ARMCX4: variants seen among roughly 807,000 people sequenced by gnomAD.
ARMCX4 encodes armadillo repeat containing X-linked 4.
In ARMCX4, 3 loss-of-function variants were observed where a neutral mutation model predicts 34.7. The ratio of observed to expected loss-of-function variants is 0.09; its 90% CI spans 0.04 to 0.22. The LOEUF is 0.22. ARMCX4 is among the 10% of genes least tolerant of loss of function. The pLI is 1.00. For missense variants in ARMCX4, 1,448 were observed against 1,720.8 expected, an observed-to-expected ratio of 0.84 and a Z score of 2.81; for synonymous variants, 513 against 632.8, an observed-to-expected ratio of 0.81 and a Z score of 2.84.
At position 101,495,585 on chromosome X, in the gene ARMCX4, C is replaced by T; in HGVS notation, c.*123C>T. 1 of 642,829 alleles carries T rather than the reference C, an allele frequency of 1.6e-6. No individual in the cohort carries two copies. Among genetic ancestry groups the T allele is most frequent in the Non-Finnish European group, 2.2e-6 (1 of 461,662 alleles). The allele number at this position is 642,829 out of a possible 1,213,427, so 53.0% of individuals were successfully genotyped here. The stretch of plus-strand genomic sequence containing the variant: ...TTACCTATGATGGTCTATAGCTGGA[C>T]CATTTTATGAACACCAAATGAATTC... On this transcript the variant is annotated 3_prime_UTR_variant, in exon 6 of 6. Transcript: ENST00000423738.
chrX:101,439,132 T>C (rs1342774937), intron 2 of ARMCX4, among the ~76,000 whole-genome samples: 22 of 112,258 alleles, frequency 2.0e-4, no homozygotes, highest in African/African-American at 5.8e-4. Context: ...CCATGTTTAG[T>C]GCTTCCTTCA....
chrX:101,431,282 A>T (rs1555991887), intron 2 of ARMCX4, among the ~76,000 whole-genome samples: 2 of 111,894 alleles, frequency 1.8e-5, no homozygotes. Flanking sequence ...TGGGGGAGTG[A>T]AGGAGTTGGG....
At chrX:101,458,531 A>G (rs782689955) in intron 4 of ARMCX4, among the ~76,000 whole-genome samples, 16 of 96,788 alleles carry the variant, frequency 1.7e-4, no homozygotes, top group Admixed American at 1.4e-3. Context: ...TTTTTTTTTG[A>G]GACGGAGTGC....
At chrX:101,438,939 A>G (rs1313526553) in intron 2 of ARMCX4, among the ~76,000 whole-genome samples, 1 of 111,868 alleles carries the variant, frequency 8.9e-6, no homozygotes, top group African/African-American at 3.3e-5. Context: ...GCCAGTCTGT[A>G]TCTTTTAATT....
downstream of ARMCX4, among the ~76,000 whole-genome samples, chrX:101,450,819 G>A (rs935274211): frequency 9.0e-6 from 1 of 111,465 alleles, no homozygotes; most frequent in African/African-American, 3.3e-5. Flanking sequence ...CTTTAAGGGA[G>A]TGGGGTCCCT....
chrX:101,523,568 A>G (rs1280349486), intron 11 of ARMCX4, among the ~76,000 whole-genome samples: 2 of 112,025 alleles, frequency 1.8e-5, no homozygotes, highest in Admixed American at 1.9e-4. Flanking sequence ...CTGAGCAGGG[A>G]CACCAGAGTT....
chrX:101,431,681 C>G (rs1397238326), intron 2 of ARMCX4, among the ~76,000 whole-genome samples: 2 of 110,600 alleles, frequency 1.8e-5, no homozygotes, highest in African/African-American at 3.3e-5. Context: ...GTAGCTGGGA[C>G]TACAGGCACC....
chrX:101,476,979 A>G (rs906079993), intron 4 of ARMCX4, among the ~76,000 whole-genome samples: 1 of 111,711 alleles, frequency 9.0e-6, no homozygotes, highest in Non-Finnish European at 1.9e-5. Flanking sequence ...TGGGAATTAT[A>G]ATTAAAGATA....
intron 7 of ARMCX4, among the ~76,000 whole-genome samples, chrX:101,501,113 G>T (rs1388418850): frequency 6.2e-5 from 7 of 112,697 alleles, no homozygotes; most frequent in Admixed American, 4.7e-4. Flanking sequence ...GAAGTGCACT[G>T]CCTGGTAGGC....
At chrX:101,448,074 A>T (rs1442515586), downstream of ARMCX4, among the ~76,000 whole-genome samples, 1 of 111,559 alleles carries the variant, frequency 9.0e-6, no homozygotes, top group African/African-American at 3.3e-5. Context: ...AGCTCCCACA[A>T]ATAAGTGAGA....
chrX:101,471,299 A>T (rs956761517), intron 4 of ARMCX4, among the ~76,000 whole-genome samples: 3 of 112,237 alleles, frequency 2.7e-5, no homozygotes, highest in Non-Finnish European at 5.6e-5. Context: ...AAATTTTGAT[A>T]AAGCCCAACT....
chrX:101,483,130 G>A (rs952922138), upstream of ARMCX4, among the ~76,000 whole-genome samples: 5 of 108,963 alleles, frequency 4.6e-5, no homozygotes, highest in Non-Finnish European at 3.8e-5. Flanking sequence ...TCCTGACCTC[G>A]TGATCCACCT....
intron 4 of ARMCX4, among the ~76,000 whole-genome samples, chrX:101,470,078 T>C (rs1932865201): frequency 8.9e-6 from 1 of 111,929 alleles, no homozygotes; most frequent in South Asian, 3.8e-4. Flanking sequence ...TGCTGTCTAA[T>C]GTCACCTGCT....
At chrX:101,500,113 T>C (rs1399084468), downstream of ARMCX4, among the ~76,000 whole-genome samples, 5 of 111,584 alleles carry the variant, frequency 4.5e-5, no homozygotes, top group Admixed American at 4.8e-4. Context: ...TCTGAGTTGA[T>C]ATTGACACCC....
chrX:101,474,803 C>T (rs1454745746), intron 4 of ARMCX4, among the ~76,000 whole-genome samples: 1 of 92,490 alleles, frequency 1.1e-5, no homozygotes, highest in African/African-American at 4.0e-5. Flanking sequence ...ATTGATGGGA[C>T]GTATTTCAAA....
intron 2 of ARMCX4, among the ~76,000 whole-genome samples, chrX:101,424,846 T>C (rs1290407077): frequency 8.9e-6 from 1 of 111,779 alleles, no homozygotes; most frequent in Admixed American, 9.5e-5. Flanking sequence ...GGACTGTGAG[T>C]TTAGTCTTAG....
chrX:101,428,699 C>A (rs936631579), intron 2 of ARMCX4, among the ~76,000 whole-genome samples: 4 of 111,147 alleles, frequency 3.6e-5, no homozygotes, highest in Admixed American at 9.7e-5. Context: ...ACACTTAACC[C>A]TGCCAATTAA....
rs1470661365 is a variant in ARMCX4 at position 101,503,503 on chromosome X, T to C, written c.*1178-1434T>C. ...CTAACTGGTGTGAGATGGTATCTCA[T>C]TGTGGTTTTGATTTGCATTTCTCTG... On this transcript the variant is annotated intron_variant and NMD_transcript_variant, in intron 7 of 12. Transcript: ENST00000354842. Among the ~76,000 whole-genome samples the C allele has an allele frequency of 1.4e-4, 16 of 112,055 alleles. No individual in the cohort carries two copies. The East Asian group carries it at 3.9e-3, about 28-fold the overall frequency.
chrX:101,504,056 T>C (rs1767312532), intron 7 of ARMCX4, among the ~76,000 whole-genome samples: 1 of 112,388 alleles, frequency 8.9e-6, no homozygotes, highest in Admixed American at 9.4e-5. Flanking sequence ...CCTTTCCCCA[T>C]TTCTTGTTTT....
Sources: allele counts gnomAD v4.1 joint callset (sites outside exome capture counted in the v4.1 genomes callset), GRCh38; gene constraint gnomAD v4.1.1; transcripts MANE v1.5; gene names NCBI Gene and HGNC (gene_info 2026-07-23, HGNC 2026-07-21).